Variants in KIF6 observed in about 807,000 individuals in gnomAD.
The protein encoded by KIF6 is kinesin-like protein KIF6.
Under a neutral mutation model 112.7 loss-of-function variants are expected in KIF6, and 106 were observed. That is an observed-to-expected ratio of 0.94 (90% CI 0.80 to 1.11). KIF6 has a LOEUF of 1.11. Among genes scored for constraint, KIF6 ranks in the 50% least tolerant of loss-of-function variants. KIF6 has a pLI of 0.00. For missense variants in KIF6, 929 were observed against 964.0 expected (o/e 0.96, Z 0.48); for synonymous variants, 339 against 339.9 (o/e 1.00, Z 0.03).
At chr6:39,706,515 A>G (rs1789221294) in intron 3 of KIF6, among the ~76,000 whole-genome samples, 2 of 152,190 alleles carry the variant, frequency 1.3e-5, no homozygotes, top group Non-Finnish European at 2.9e-5. Flanking sequence ...CCTGTTTTTA[A>G]TCATAAGACC....
At chr6:39,538,549 T>C (rs977821359) in intron 13 of KIF6, among the ~76,000 whole-genome samples, 3 of 151,976 alleles carry the variant, frequency 2.0e-5, no homozygotes, top group Non-Finnish European at 4.4e-5. Flanking sequence ...ATGGCCATCA[T>C]TAAAAAGTCA....
At chr6:39,379,760 T>C (rs1191638841) in intron 16 of KIF6, among the ~76,000 whole-genome samples, 1 of 152,210 alleles carries the variant, frequency 6.6e-6, no homozygotes, top group Non-Finnish European at 1.5e-5. Flanking sequence ...GGGCAGGCAC[T>C]GGATACAGCC....
chr6:39,723,325 T>C (rs1310048607), intron 1 of KIF6, among the ~76,000 whole-genome samples: 1 of 152,198 alleles, frequency 6.6e-6, no homozygotes, highest in Non-Finnish European at 1.5e-5. Context: ...ACATTATTAA[T>C]ATGCCCACTC....
intron 13 of KIF6, among the ~76,000 whole-genome samples, chr6:39,491,005 A>C (rs185342157): frequency 1.3e-5 from 2 of 152,304 alleles, no homozygotes; most frequent in Admixed American, 6.5e-5. Flanking sequence ...AGATGGACAC[A>C]ACAATATCTC....
At chr6:39,566,293 A>C (rs917359716) in intron 10 of KIF6, among the ~76,000 whole-genome samples, 5 of 152,180 alleles carry the variant, frequency 3.3e-5, no homozygotes, top group African/African-American at 1.2e-4. Flanking sequence ...CACATTTGCA[A>C]ATTTTTAAAA....
At chr6:39,706,417 T>C (rs1399402844) in intron 3 of KIF6, among the ~76,000 whole-genome samples, 3 of 152,232 alleles carry the variant, frequency 2.0e-5, no homozygotes, top group African/African-American at 7.2e-5. Context: ...ATGGGAATAT[T>C]ATCCCCTTCC....
chr6:39,547,263 T>C (rs1779117281), intron 10 of KIF6, among the ~76,000 whole-genome samples: 1 of 152,206 alleles, frequency 6.6e-6, no homozygotes, highest in Admixed American at 6.5e-5. Flanking sequence ...CTCTTGTAAT[T>C]TGTGACATGT....
chr6:39,501,342 C>CTGAA (rs1387277197), intron 13 of KIF6, among the ~76,000 whole-genome samples: 6 of 152,172 alleles, frequency 3.9e-5, no homozygotes, highest in Middle Eastern at 3.2e-3. Flanking sequence ...ACCTCAAAGA[C>CTGAA]TGAAGGTAGA....
intron 13 of KIF6, among the ~76,000 whole-genome samples, chr6:39,453,969 G>A (rs1295129643): frequency 6.6e-6 from 1 of 152,096 alleles, no homozygotes; most frequent in African/African-American, 2.4e-5. Context: ...CAACAATGAG[G>A]AGTCAGTTGG....
chr6:39,395,379 A>C (rs1031519122), intron 15 of KIF6, among the ~76,000 whole-genome samples: 4 of 152,154 alleles, frequency 2.6e-5, no homozygotes, highest in Non-Finnish European at 2.9e-5. Flanking sequence ...CATTAGGAAA[A>C]TTTTCAGCTC....
intron 12 of KIF6, among the ~76,000 whole-genome samples, chr6:39,540,505 A>G (rs112281645): frequency 2.0e-5 from 3 of 152,262 alleles, no homozygotes; most frequent in African/African-American, 7.2e-5. Flanking sequence ...GCTTATAAAA[A>G]GTCAAATGAA....
At chr6:39,682,559 C>A (rs1787589537) in intron 3 of KIF6, among the ~76,000 whole-genome samples, 1 of 152,094 alleles carries the variant, frequency 6.6e-6, no homozygotes, top group Admixed American at 6.6e-5. Context: ...TAAAATAATG[C>A]ACTACAATGT....
At chr6:39,514,148 T>C (rs1456516840) in intron 13 of KIF6, among the ~76,000 whole-genome samples, 1 of 152,214 alleles carries the variant, frequency 6.6e-6, no homozygotes, top group African/African-American at 2.4e-5. Context: ...AATTCATAAT[T>C]GTATATTATT....
intron 13 of KIF6, among the ~76,000 whole-genome samples, chr6:39,479,458 G>T (rs976260403): frequency 1.3e-5 from 2 of 152,170 alleles, no homozygotes; most frequent in South Asian, 2.1e-4. Context: ...TCATCTAGGT[G>T]CCTATTTTTA....
chr6:39,677,982 G>A (rs1257635711), intron 3 of KIF6, among the ~76,000 whole-genome samples: 8 of 150,814 alleles, frequency 5.3e-5, no homozygotes, highest in Non-Finnish European at 1.0e-4. Context: ...GAATAGTGCC[G>A]CAATAAACAT....
At chr6:39,649,491 GA>G (rs1238230479) in intron 3 of KIF6, among the ~76,000 whole-genome samples, 2 of 152,158 alleles carry the variant, frequency 1.3e-5, no homozygotes, top group Non-Finnish European at 2.9e-5. Flanking sequence ...GAGTCACAAA[GA>G]AAGAGACCCA....
chr6:39,639,823 GT>G, intron 3 of KIF6, 66 bp from the exon 4 acceptor site: 1 of 1,376,734 alleles, frequency 7.3e-7, no homozygotes, highest in Non-Finnish European at 1.0e-6. Context: ...TAAATGGCTT[GT>G]ATTCTAATAA....
chr6:39,348,713 G>A (rs1244231290), intron 19 of KIF6, among the ~76,000 whole-genome samples: 1 of 152,084 alleles, frequency 6.6e-6, no homozygotes, highest in East Asian at 1.9e-4. Flanking sequence ...CAATCAGAGT[G>A]TTTAGTGGGA....
intron 6 of KIF6, among the ~76,000 whole-genome samples, chr6:39,604,433 T>G (rs928705931): frequency 6.6e-6 from 1 of 152,168 alleles, no homozygotes; most frequent in Admixed American, 6.6e-5. Flanking sequence ...CTTGAACTTT[T>G]CTGGAGTTGT....
Sources: gnomAD v4.1 joint callset for allele counts (sites outside exome capture counted in the v4.1 genomes callset) on GRCh38, gnomAD v4.1.1 for gene constraint, MANE v1.5 for transcripts, NCBI Gene and HGNC (gene_info 2026-07-23, HGNC 2026-07-21) for gene names.